Variants in MSRA observed in about 807,000 individuals in gnomAD.
MSRA encodes methionine sulfoxide reductase A.
A neutral mutation model predicts 31.3 loss-of-function variants in MSRA; 54 were observed. That is an observed-to-expected ratio of 1.73 (90% CI 1.39 to 2.17). The LOEUF (loss-of-function observed/expected upper bound fraction) is 2.17. Among genes scored for constraint, MSRA ranks in the 30% most tolerant of loss-of-function variants. The pLI, the probability that MSRA is intolerant of heterozygous loss-of-function variation, is 0.00. For synonymous variants in MSRA, 169 were observed against 116.5 expected, an observed-to-expected ratio of 1.45 and a Z score of -2.90; for missense variants, 507 against 300.9, an observed-to-expected ratio of 1.69 and a Z score of -5.07.
chr8:10,105,023 T>A (rs1799789899), intron 1 of MSRA, among the ~76,000 whole-genome samples: 1 of 152,252 alleles, frequency 6.6e-6, no homozygotes, highest in Admixed American at 6.5e-5. Flanking sequence ...TTGGTATAGC[T>A]GATTACTTAG....
intron 3 of MSRA, among the ~76,000 whole-genome samples, chr8:10,271,168 C>T (rs1179060240): frequency 6.6e-6 from 1 of 150,588 alleles, no homozygotes; most frequent in Non-Finnish European, 1.5e-5. Flanking sequence ...TAAAAGTGGG[C>T]AAAACATTTG....
intron 5 of MSRA, among the ~76,000 whole-genome samples, chr8:10,344,069 A>T (rs1803615158): frequency 6.6e-6 from 1 of 152,196 alleles, no homozygotes; most frequent in African/African-American, 2.4e-5. Flanking sequence ...TAAGATCCAT[A>T]TCTCTAAGCC....
chr8:10,278,974 G>T (rs941956701), intron 3 of MSRA, among the ~76,000 whole-genome samples: 8 of 152,116 alleles, frequency 5.3e-5, no homozygotes, highest in African/African-American at 1.9e-4. Flanking sequence ...AACTGGAATA[G>T]ATTTTTGCCT....
At chr8:10,206,520 C>T (rs1322599034) in intron 1 of MSRA, among the ~76,000 whole-genome samples, 1 of 152,204 alleles carries the variant, frequency 6.6e-6, no homozygotes, top group Non-Finnish European at 1.5e-5. Flanking sequence ...GATGGGTGCT[C>T]AAGATCTTCC....
intron 5 of MSRA, among the ~76,000 whole-genome samples, chr8:10,423,214 C>A (rs1194723322): frequency 6.6e-6 from 1 of 152,192 alleles, no homozygotes; most frequent in African/African-American, 2.4e-5. Context: ...CTCCAGCTCT[C>A]CTGACAGTTC....
At chr8:10,369,658 G>A (rs1182898702) in intron 5 of MSRA, among the ~76,000 whole-genome samples, 1 of 152,168 alleles carries the variant, frequency 6.6e-6, no homozygotes, top group Non-Finnish European at 1.5e-5. Flanking sequence ...ACTTAAAAAT[G>A]AGGCATAGGT....
chr8:10,159,319 G>A (rs904785707), intron 1 of MSRA, among the ~76,000 whole-genome samples: 1 of 152,090 alleles, frequency 6.6e-6, no homozygotes, highest in African/African-American at 2.4e-5. Context: ...CAGATCTGGA[G>A]GGGTTGAGTT....
At position 10,159,047 on chromosome 8, in the gene MSRA, A is replaced by G. The variant is rs542082778; in HGVS notation, c.143-48786A>G. 2.6e-5 allele frequency among the ~76,000 whole-genome samples: 4 copies of G among 152,366 alleles called. No homozygotes were observed. In the East Asian group the frequency reaches 7.7e-4, roughly 29 times the overall value. ...AGGAAGATCACTGTCACCGTATCAAAGAGGATGGATGAGAGAGGTGCAGGC... is the reference window on the plus strand; with the variant it reads ...AGGAAGATCACTGTCACCGTATCAAGGAGGATGGATGAGAGAGGTGCAGGC... On this transcript the variant is annotated intron_variant, in intron 1 of 5. Transcript: ENST00000317173.
intron 1 of MSRA, among the ~76,000 whole-genome samples, chr8:10,090,806 G>C (rs1031442703): frequency 6.6e-6 from 1 of 152,112 alleles, no homozygotes; most frequent in Non-Finnish European, 1.5e-5. Context: ...TCTGTGTCTG[G>C]CTTTTTCATT....
At chr8:10,320,435 T>A (rs1801985115) in intron 5 of MSRA, 1 of 153,160 alleles carries the variant, frequency 6.5e-6, no homozygotes. Flanking sequence ...ACCACTGCAC[T>A]TCAGCCTGGG....
At chr8:10,421,405 C>T (rs1243528682) in intron 5 of MSRA, among the ~76,000 whole-genome samples, 1 of 152,186 alleles carries the variant, frequency 6.6e-6, no homozygotes, top group Admixed American at 6.5e-5. Flanking sequence ...GGTCTCCACT[C>T]TGGGCTCTGG....
At chr8:10,245,703 A>C (rs1274690937) in intron 3 of MSRA, among the ~76,000 whole-genome samples, 1 of 152,232 alleles carries the variant, frequency 6.6e-6, no homozygotes, top group Admixed American at 6.5e-5. Flanking sequence ...ATATGTCTTC[A>C]GCACACTGGC....
At chr8:10,075,936 A>G (rs897924125) in intron 1 of MSRA, among the ~76,000 whole-genome samples, 4 of 152,182 alleles carry the variant, frequency 2.6e-5, no homozygotes, top group African/African-American at 9.7e-5. Context: ...ACCTCTCTCC[A>G]CAGGACCTTT....
intron 5 of MSRA, among the ~76,000 whole-genome samples, chr8:10,392,918 C>T (rs938088017): frequency 2.9e-5 from 4 of 137,272 alleles, no homozygotes; most frequent in South Asian, 5.1e-4. Context: ...AAAAATTAGC[C>T]GGCAGTAATG....
intron 5 of MSRA, among the ~76,000 whole-genome samples, chr8:10,412,664 C>A (rs550975316): frequency 6.6e-6 from 1 of 152,188 alleles, no homozygotes; most frequent in Admixed American, 6.5e-5. Context: ...CAAAGAAGTC[C>A]CTTCACCTAC....
intron 5 of MSRA, among the ~76,000 whole-genome samples, chr8:10,427,732 C>G (rs1225099196): frequency 1.3e-5 from 2 of 152,174 alleles, no homozygotes; most frequent in East Asian, 3.9e-4. Context: ...CCCACTGTGG[C>G]CCTGCTGAGC....
chr8:10,374,908 A>G (rs1378918789), intron 5 of MSRA, among the ~76,000 whole-genome samples: 1 of 152,072 alleles, frequency 6.6e-6, no homozygotes, highest in Non-Finnish European at 1.5e-5. Context: ...CAGTTCATGC[A>G]AGAGCTGGTT....
intron 5 of MSRA, among the ~76,000 whole-genome samples, chr8:10,379,131 G>A (rs1490908001): frequency 6.6e-6 from 1 of 152,040 alleles, no homozygotes; most frequent in African/African-American, 2.4e-5. Context: ...TAATGTACTG[G>A]CTTTATGGCC....
chr8:10,059,883 C>T (rs958784258), intron 1 of MSRA, among the ~76,000 whole-genome samples: 2 of 152,196 alleles, frequency 1.3e-5, no homozygotes, highest in Admixed American at 1.3e-4. Flanking sequence ...AAAAGATGCT[C>T]AACTTCACTT....
Sources: gnomAD v4.1 joint callset for allele counts (sites outside exome capture counted in the v4.1 genomes callset) on GRCh38, gnomAD v4.1.1 for gene constraint, MANE v1.5 for transcripts, NCBI Gene and HGNC (gene_info 2026-07-23, HGNC 2026-07-21) for gene names.